DNAI7: variants seen among roughly 807,000 people sequenced by gnomAD.
DNAI7 encodes cancer susceptibility 1.
In DNAI7, 78 loss-of-function variants were observed where a neutral mutation model predicts 86.6. That is an observed-to-expected ratio of 0.90 (90% CI 0.75 to 1.09). The LOEUF is 1.09. Among genes scored for constraint, DNAI7 ranks in the 50% least tolerant of loss-of-function variants. DNAI7 has a pLI of 0.00. For missense variants in DNAI7, 753 were observed against 810.2 expected, an observed-to-expected ratio of 0.93 and a Z score of 0.86; for synonymous variants, 274 against 273.0, an observed-to-expected ratio of 1.00 and a Z score of -0.04.
At chr12:25,154,479 G>T (rs1178376614) in intron 5 of DNAI7, 23 bp from the exon 6 acceptor site, 2 of 1,587,028 alleles carry the variant, frequency 1.3e-6, no homozygotes, top group Non-Finnish European at 8.5e-7. Flanking sequence ...AATGTTTAAA[G>T]GTTCACATTG....
intron 11 of DNAI7, 24 bp from the exon 12 acceptor site, chr12:25,119,325 A>T: frequency 6.5e-7 from 1 of 1,542,000 alleles, no homozygotes; most frequent in Non-Finnish European, 8.9e-7. Flanking sequence ...CCAAAACAAC[A>T]TCAAGTTAGT....
At chr12:25,145,674 G>GT (rs995747910) in intron 8 of DNAI7, among the ~76,000 whole-genome samples, 6 of 151,832 alleles carry the variant, frequency 4.0e-5, no homozygotes, top group Admixed American at 2.0e-4. Flanking sequence ...ATAAAGTCTA[G>GT]TTTTTTTTAA....
intron 2 of DNAI7, among the ~76,000 whole-genome samples, chr12:25,168,213 GTC>G (rs1443512846): frequency 6.6e-6 from 1 of 152,010 alleles, no homozygotes; most frequent in Non-Finnish European, 1.5e-5. Context: ...CTCGCACAAG[GTC>G]TCTTCTTCCT....
At chr12:25,154,999 T>C (rs1052598772) in intron 5 of DNAI7, among the ~76,000 whole-genome samples, 5 of 152,244 alleles carry the variant, frequency 3.3e-5, no homozygotes, top group Non-Finnish European at 7.4e-5. Context: ...TCCAAAGTTA[T>C]GCAGTTTTGA....
chr12:25,108,500 T>TCACCATGCTTGGTTCTTCATACTTACAA lies in DNAI7; in HGVS notation c.*20_*47dup. ...ATTGTGTTGCAGAAATACCTGTCTT[T>TCACCATGCTTGGTTCTTCATACTTACAA]CACCATGCTTGGTTCTTCATACTTA... is the stretch of plus-strand genomic sequence containing the variant. On this transcript the variant is annotated 3_prime_UTR_variant, in exon 16 of 16. Coordinates refer to ENST00000395987, the MANE Select transcript of DNAI7 (RefSeq NM_018272.5). 6.6e-7 allele frequency: 1 copy of TCACCATGCTTGGTTCTTCATACTTACAA among 1,511,684 alleles called. No homozygotes were observed. The highest frequency in any genetic ancestry group is 9.0e-7 in the Non-Finnish European group (1 of 1,110,850). 93.6% of individuals were successfully genotyped at this position (1,511,684 alleles called of 1,614,324 possible).
Position 25,144,668 on chromosome 12 carries a change from A to G in DNAI7, c.699T>C (p.Ser233=). The change falls in exon 9 of 16, where the codon AGT becomes AGC. Residue 233 remains serine (S), a synonymous_variant. Coordinates refer to ENST00000395987, the MANE Select transcript of DNAI7 (RefSeq NM_018272.5). ...CAATTTGTGTTTCAGAGAATCTAACACTTCTGTGCCTGTTAATAATTAATT... is the reference window on the plus strand; with the variant it reads ...CAATTTGTGTTTCAGAGAATCTAACGCTTCTGTGCCTGTTAATAATTAATT... The part of the protein sequence containing the change: ...ANLKKNPRHR[S]VRFSETQIGF... 1 of 1,608,950 alleles carries G rather than the reference A, an allele frequency of 6.2e-7. No individual in the cohort carries two copies. The highest frequency in any genetic ancestry group is 1.1e-5 in the South Asian group (1 of 90,186).
intron 7 of DNAI7, among the ~76,000 whole-genome samples, chr12:25,149,037 C>A (rs968352119): frequency 1.1e-4 from 17 of 151,914 alleles, no homozygotes; most frequent in African/African-American, 4.1e-4. Flanking sequence ...GCCTCTGTTG[C>A]CCAGGTTGAA....
At chr12:25,180,826 AT>A (rs919586087) in intron 2 of DNAI7, among the ~76,000 whole-genome samples, 73 of 150,504 alleles carry the variant, frequency 4.9e-4, no homozygotes, top group Non-Finnish European at 6.8e-4. Flanking sequence ...TCAAACTATA[AT>A]TTTTTTTTTC....
Position 25,110,224 on chromosome 12 carries a change from A to T in DNAI7, c.1796T>A (p.Val599Glu). ...IINNKVPLVEVKAYRQMALLS... is the reference protein window; with the variant it reads ...IINNKVPLVEEKAYRQMALLS... ...TAGGGCCATCTGTCGATAAGCTTTC[A>T]CTTCTACCAAAGGAACCTGTCAATA... Residue 599 changes from valine (V) to glutamate (E), a missense_variant, in exon 15 of 16, where the codon GTG (valine) becomes GAG (glutamate). Coordinates refer to ENST00000395987, the MANE Select transcript of DNAI7 (RefSeq NM_018272.5). 6.2e-7 allele frequency: 1 copy of T among 1,603,968 alleles called. No individual in the cohort carries two copies. Among genetic ancestry groups the T allele is most frequent in the Non-Finnish European group, 8.5e-7 (1 of 1,171,086 alleles).
intron 13 of DNAI7, among the ~76,000 whole-genome samples, chr12:25,113,126 A>G (rs1939294717): frequency 6.6e-6 from 1 of 152,154 alleles, no homozygotes; most frequent in African/African-American, 2.4e-5. Context: ...CCCTTACACA[A>G]TCTCAGAAAG....
At chr12:25,145,961 G>A (rs752735055) in intron 8 of DNAI7, among the ~76,000 whole-genome samples, 2 of 152,134 alleles carry the variant, frequency 1.3e-5, no homozygotes, top group South Asian at 2.1e-4. Context: ...AGTGGCTCAC[G>A]CCTGTAATCC....
At chr12:25,182,605 TACACACACACACACACACAC>T (rs71065917) in intron 2 of DNAI7, among the ~76,000 whole-genome samples, 1 of 132,098 alleles carries the variant, frequency 7.6e-6, no homozygotes, top group Non-Finnish European at 1.6e-5. Flanking sequence ...TGAGACTGTC[TACACACACACACACACACAC>T]ACACACACAC....
chr12:25,168,865 C>T (rs1022493205), intron 2 of DNAI7, among the ~76,000 whole-genome samples: 3 of 152,112 alleles, frequency 2.0e-5, no homozygotes, highest in Admixed American at 6.5e-5. Context: ...CAGGCCATCA[C>T]CAATAATTCT....
chr12:25,150,970 G>A (rs1163186650), intron 6 of DNAI7, among the ~76,000 whole-genome samples: 2 of 152,218 alleles, frequency 1.3e-5, no homozygotes, highest in Non-Finnish European at 2.9e-5. Flanking sequence ...ATAACTCTAT[G>A]AGGTAGATAT....
At chr12:25,139,881 C>T (rs1943983516) in intron 9 of DNAI7, among the ~76,000 whole-genome samples, 2 of 152,042 alleles carry the variant, frequency 1.3e-5, no homozygotes, top group African/African-American at 2.4e-5. Flanking sequence ...AGATAATTCA[C>T]CATGATCAAG....
chr12:25,184,113 T>G (rs61401861), intron 2 of DNAI7, among the ~76,000 whole-genome samples: 3,052 of 152,300 alleles, frequency 0.02, 82 homozygotes, highest in African/African-American at 0.07. Context: ...TAACAATAGT[T>G]TTATTGAGAT....
chr12:25,149,029 C>T lies in DNAI7; in HGVS notation c.585+599G>A, dbSNP rs1172839753. Reference sequence around the variant, plus strand: ...TTTATTTTTTTGAGACAGAGTCTGCCTCTGTTGCCCAGGTTGAAGTGCAGT... The same window carrying T: ...TTTATTTTTTTGAGACAGAGTCTGCTTCTGTTGCCCAGGTTGAAGTGCAGT... On this transcript the variant is annotated intron_variant, in intron 7 of 15. Transcript: ENST00000395987. Among the ~76,000 whole-genome samples the T allele has an allele frequency of 2.0e-5, 3 of 152,000 alleles. No homozygotes were observed. The East Asian group carries it at 5.8e-4, about 29-fold the overall frequency.
intron 1 of DNAI7, chr12:25,194,837 G>T: frequency 6.3e-7 from 1 of 1,577,800 alleles, no homozygotes; most frequent in Non-Finnish European, 8.7e-7. Flanking sequence ...GATACCGTGT[G>T]ACAGCTTTGA....
intron 2 of DNAI7, among the ~76,000 whole-genome samples, chr12:25,163,061 T>A (rs1289269497): frequency 1.3e-5 from 2 of 152,110 alleles, no homozygotes; most frequent in Non-Finnish European, 2.9e-5. Flanking sequence ...AGTGCCCCAA[T>A]TGCGCAAGCG....
Sources: gnomAD v4.1 joint callset for allele counts (sites outside exome capture counted in the v4.1 genomes callset) on GRCh38, gnomAD v4.1.1 for gene constraint, MANE v1.5 for transcripts, NCBI Gene and HGNC (gene_info 2026-07-23, HGNC 2026-07-21) for gene names.